JARID2: variants seen among roughly 807,000 people sequenced by gnomAD.
JARID2 encodes protein Jumonji.
In JARID2, 21 loss-of-function variants were observed where a neutral mutation model predicts 125.6. The ratio of observed to expected loss-of-function variants is 0.17; its 90% CI spans 0.12 to 0.24. The LOEUF is 0.24. JARID2 is among the 10% of genes least tolerant of loss of function. JARID2 has a pLI of 1.00. For synonymous variants in JARID2, 736 were observed against 661.6 expected (o/e 1.11, Z -1.73); for missense variants, 1,303 against 1,639.6 (o/e 0.79, Z 3.55).
intron 1 of JARID2, among the ~76,000 whole-genome samples, chr6:15,328,034 A>C (rs1182873107): frequency 2.0e-5 from 3 of 152,134 alleles, no homozygotes; most frequent in Admixed American, 2.0e-4. Context: ...ATTGCCAGTG[A>C]ATATTTATTA....
chr6:15,405,993 C>T (rs1046520378), intron 2 of JARID2, among the ~76,000 whole-genome samples: 9 of 152,038 alleles, frequency 5.9e-5, no homozygotes, highest in African/African-American at 2.2e-4. Flanking sequence ...AAGAAAAAGC[C>T]CAGGTTTATT....
intron 7 of JARID2, 105 bp from the exon 8 acceptor site, chr6:15,500,802 G>A (rs952091687): frequency 3.2e-5 from 31 of 976,930 alleles, no homozygotes; most frequent in Non-Finnish European, 3.9e-5. Context: ...GCCTGTCAGA[G>A]TCCTGGCTCA....
intron 3 of JARID2, among the ~76,000 whole-genome samples, chr6:15,417,466 A>G (rs1316597831): frequency 1.3e-5 from 2 of 152,316 alleles, no homozygotes; most frequent in African/African-American, 2.4e-5. Flanking sequence ...GGTTGGGTGC[A>G]ATGGCTCACA....
chr6:15,267,374 A>G (rs747327610), intron 1 of JARID2, among the ~76,000 whole-genome samples: 4 of 152,214 alleles, frequency 2.6e-5, no homozygotes, highest in African/African-American at 4.8e-5. Flanking sequence ...AAGGCATGTC[A>G]GCAACCACCA....
At chr6:15,481,469 T>C (rs942365906) in intron 5 of JARID2, among the ~76,000 whole-genome samples, 3 of 152,238 alleles carry the variant, frequency 2.0e-5, no homozygotes, top group Non-Finnish European at 4.4e-5. Flanking sequence ...AATATTTTTT[T>C]TCCTTTCCTC....
chr6:15,397,591 C>T (rs947658562), intron 2 of JARID2, among the ~76,000 whole-genome samples: 1 of 152,194 alleles, frequency 6.6e-6, no homozygotes, highest in Admixed American at 6.5e-5. Context: ...TCTGAAAATT[C>T]TGACTTCTCC....
chr6:15,257,330 G>A (rs1313069750), intron 1 of JARID2, among the ~76,000 whole-genome samples: 1 of 152,094 alleles, frequency 6.6e-6, no homozygotes, highest in African/African-American at 2.4e-5. Context: ...TCAAAAGATA[G>A]AAATCATTGA....
intron 2 of JARID2, among the ~76,000 whole-genome samples, chr6:15,408,021 T>TG (rs1340212534): frequency 6.6e-5 from 10 of 152,256 alleles, no homozygotes; most frequent in African/African-American, 2.2e-4. Flanking sequence ...CCCAGCACTT[T>TG]GGGAGGCTGA....
At position 15,338,939 on chromosome 6, in the gene JARID2, G is replaced by A. The variant is rs546902555; in HGVS notation, c.46-35178G>A. On this transcript the variant is annotated intron_variant, in intron 1 of 17. Coordinates refer to ENST00000341776, the MANE Select transcript of JARID2 (RefSeq NM_004973.4). ...TAAAATATTTGAACTCTCCTGGAGA[G>A]AGGTTATGTTACTTTTGAATTAAGA... Among the ~76,000 whole-genome samples, 301 of 152,338 alleles carry A rather than the reference G, an allele frequency of 2.0e-3. 1 individual carries two copies. The highest frequency in any genetic ancestry group is 3.4e-3 in the Middle Eastern group (1 of 294).
chr6:15,406,174 G>A (rs1451265121), intron 2 of JARID2, among the ~76,000 whole-genome samples: 1 of 152,210 alleles, frequency 6.6e-6, no homozygotes, highest in African/African-American at 2.4e-5. Context: ...GGTGGCTCAC[G>A]TCTGTAATCC....
intron 1 of JARID2, among the ~76,000 whole-genome samples, chr6:15,269,573 T>TA (rs1561758651): frequency 1.5e-5 from 1 of 67,794 alleles, no homozygotes; most frequent in African/African-American, 4.6e-5. Context: ...TATTTTAAAA[T>TA]TTTTTTTTTT....
chr6:15,424,529 G>A (rs531339794), intron 3 of JARID2, among the ~76,000 whole-genome samples: 1 of 152,284 alleles, frequency 6.6e-6, no homozygotes, highest in Non-Finnish European at 1.5e-5. Context: ...TGAAAGAAGA[G>A]CAATTTTGCA....
intron 1 of JARID2, among the ~76,000 whole-genome samples, chr6:15,300,680 A>G (rs879690656): frequency 9.2e-5 from 10 of 108,196 alleles, no homozygotes; most frequent in Admixed American, 4.5e-4. Flanking sequence ...CAGTGTCCTC[A>G]TGTTGTGTGT....
At chr6:15,372,447 C>G (rs1764206156) in intron 1 of JARID2, among the ~76,000 whole-genome samples, 1 of 152,122 alleles carries the variant, frequency 6.6e-6, no homozygotes, top group Non-Finnish European at 1.5e-5. Context: ...CAACCTCCGC[C>G]TCCCCAGGTT....
At chr6:15,324,457 C>T (rs966117558) in intron 1 of JARID2, 2 of 152,042 alleles carry the variant, frequency 1.3e-5, no homozygotes, top group African/African-American at 4.8e-5. Context: ...AATATATGAG[C>T]TGCCAAGGTG....
At chr6:15,418,375 A>T (rs1766332575) in intron 3 of JARID2, among the ~76,000 whole-genome samples, 1 of 151,790 alleles carries the variant, frequency 6.6e-6, no homozygotes. Flanking sequence ...ATGCCACCAC[A>T]CTTGGCTAAT....
chr6:15,349,259 TGTTGGA>T (rs1361567343), intron 1 of JARID2, among the ~76,000 whole-genome samples: 1 of 152,212 alleles, frequency 6.6e-6, no homozygotes, highest in African/African-American at 2.4e-5. Context: ...GGTGACTTTT[TGTTGGA>T]GGTGGGAGAT....
chr6:15,314,027 GC>G (rs1387561187), intron 1 of JARID2, among the ~76,000 whole-genome samples: 2 of 152,122 alleles, frequency 1.3e-5, no homozygotes, highest in South Asian at 4.1e-4. Context: ...TGGACCCAAG[GC>G]CCAAGGTGTC....
intron 5 of JARID2, among the ~76,000 whole-genome samples, chr6:15,483,060 T>G (rs1769699667): frequency 6.6e-6 from 1 of 152,230 alleles, no homozygotes; most frequent in Non-Finnish European, 1.5e-5. Flanking sequence ...TTAGTTACTT[T>G]CCTTGAATAG....
Sources: gnomAD v4.1 joint callset for allele counts (sites outside exome capture counted in the v4.1 genomes callset) on GRCh38, gnomAD v4.1.1 for gene constraint, MANE v1.5 for transcripts, NCBI Gene and HGNC (gene_info 2026-07-23, HGNC 2026-07-21) for gene names.